LRMDA: variants seen among roughly 807,000 people sequenced by gnomAD.
LRMDA encodes the protein leucine-rich melanocyte differentiation-associated protein.
A neutral mutation model predicts 29.8 loss-of-function variants in LRMDA; 18 were observed. The ratio of observed to expected loss-of-function variants is 0.60; its 90% CI spans 0.42 to 0.90. LRMDA has a LOEUF of 0.90. LRMDA is among the 40% of genes least tolerant of loss of function. LRMDA has a pLI of 0.00. For missense variants in LRMDA, 273 were observed against 273.9 expected (o/e 1.00, Z 0.02); for synonymous variants, 125 against 109.4 (o/e 1.14, Z -0.89).
chr10:76,383,424 T>C (rs1339537941), intron 6 of LRMDA, among the ~76,000 whole-genome samples: 32 of 133,978 alleles, frequency 2.4e-4, no homozygotes, highest in East Asian at 8.4e-4. Flanking sequence ...TCTTTTTTTT[T>C]TTTTTTTTTT....
intron 6 of LRMDA, among the ~76,000 whole-genome samples, chr10:76,441,849 C>T (rs2132292282): frequency 6.6e-6 from 1 of 152,242 alleles, no homozygotes. Flanking sequence ...GTATGACTGC[C>T]TCTCCTAGGC....
intron 5 of LRMDA, among the ~76,000 whole-genome samples, chr10:76,065,053 C>T (rs1234195335): frequency 1.3e-5 from 2 of 151,830 alleles, no homozygotes; most frequent in South Asian, 2.1e-4. Context: ...TAAGAAAATG[C>T]TTAGATGGTG....
At chr10:76,405,152 A>C (rs1564532188) in intron 6 of LRMDA, among the ~76,000 whole-genome samples, 1 of 152,208 alleles carries the variant, frequency 6.6e-6, no homozygotes, top group Admixed American at 6.5e-5. Context: ...TTACAACAGC[A>C]ATAAAAAACT....
At chr10:76,144,254 T>A (rs899204238) in intron 5 of LRMDA, among the ~76,000 whole-genome samples, 1 of 152,216 alleles carries the variant, frequency 6.6e-6, no homozygotes, top group Non-Finnish European at 1.5e-5. Flanking sequence ...TTGATGGAGA[T>A]GGCATTGAAT....
At chr10:75,563,795 C>A (rs960688155) in intron 2 of LRMDA, among the ~76,000 whole-genome samples, 1 of 152,176 alleles carries the variant, frequency 6.6e-6, no homozygotes, top group Non-Finnish European at 1.5e-5. Context: ...TAGAGATCCA[C>A]TCCAGACCCT....
chr10:76,427,785 C>T (rs1842145210), intron 6 of LRMDA, among the ~76,000 whole-genome samples: 1 of 152,094 alleles, frequency 6.6e-6, no homozygotes, highest in African/African-American at 2.4e-5. Context: ...CCCATCAATA[C>T]CTAATTTATT....
At chr10:76,343,985 T>A (rs1841072641) in intron 6 of LRMDA, among the ~76,000 whole-genome samples, 1 of 151,684 alleles carries the variant, frequency 6.6e-6, no homozygotes, top group Non-Finnish European at 1.5e-5. Flanking sequence ...GCCTGGCTAA[T>A]TTTTTTTGGT....
intron 5 of LRMDA, among the ~76,000 whole-genome samples, chr10:76,306,569 G>A (rs1304903764): frequency 1.3e-5 from 2 of 152,160 alleles, no homozygotes; most frequent in East Asian, 3.9e-4. Context: ...TCAACACAAT[G>A]AACCTGGAGG....
intron 6 of LRMDA, among the ~76,000 whole-genome samples, chr10:76,358,183 G>T (rs539650435): frequency 1.3e-5 from 2 of 152,306 alleles, no homozygotes; most frequent in South Asian, 2.1e-4. Flanking sequence ...TGCAATACTT[G>T]GTGGTAGTAT....
chr10:76,355,970 C>G (rs537012775), intron 6 of LRMDA, among the ~76,000 whole-genome samples: 1 of 152,116 alleles, frequency 6.6e-6, no homozygotes, highest in Non-Finnish European at 1.5e-5. Context: ...AGAAGGGCCT[C>G]CCATCATTAG....
At chr10:75,483,685 T>C (rs539135638) in intron 2 of LRMDA, among the ~76,000 whole-genome samples, 1 of 152,328 alleles carries the variant, frequency 6.6e-6, no homozygotes, top group South Asian at 2.1e-4. Context: ...AAACTTGGAT[T>C]TTTAAATTAC....
chr10:75,823,306 A>G (rs2132283451), intron 2 of LRMDA, among the ~76,000 whole-genome samples: 1 of 152,328 alleles, frequency 6.6e-6, no homozygotes, highest in Non-Finnish European at 1.5e-5. Context: ...AAGGACACGA[A>G]CAGACATTTT....
At chr10:75,697,384 C>T (rs1842248615) in intron 2 of LRMDA, among the ~76,000 whole-genome samples, 1 of 151,342 alleles carries the variant, frequency 6.6e-6, no homozygotes, top group Non-Finnish European at 1.5e-5. Context: ...TGAATAGGCT[C>T]CAGGTTTTTA....
chr10:75,882,199 A>G (rs1845305997), intron 2 of LRMDA, among the ~76,000 whole-genome samples: 1 of 152,168 alleles, frequency 6.6e-6, no homozygotes, highest in South Asian at 2.1e-4. Context: ...GGAGGCGAGC[A>G]GGGTCAGTTA....
chr10:76,486,584 A>G (rs1033670509), intron 6 of LRMDA, among the ~76,000 whole-genome samples: 6 of 151,878 alleles, frequency 4.0e-5, no homozygotes, highest in African/African-American at 1.4e-4. Context: ...TATTTTGGCT[A>G]AAAATTTGGG....
At chr10:75,553,336 G>A (rs1428590826) in intron 2 of LRMDA, among the ~76,000 whole-genome samples, 1 of 152,196 alleles carries the variant, frequency 6.6e-6, no homozygotes, top group African/African-American at 2.4e-5. Context: ...AGCCTGGAGA[G>A]ATGAAGGGTT....
At chr10:76,272,639 A>T (rs1262680450) in intron 5 of LRMDA, among the ~76,000 whole-genome samples, 1 of 152,164 alleles carries the variant, frequency 6.6e-6, no homozygotes, top group Non-Finnish European at 1.5e-5. Flanking sequence ...CAGAATATAC[A>T]TTGGAAAAGC....
chr10:75,581,391 G>C (rs1240643962), intron 2 of LRMDA, among the ~76,000 whole-genome samples: 1 of 152,162 alleles, frequency 6.6e-6, no homozygotes, highest in Non-Finnish European at 1.5e-5. Flanking sequence ...AGTTAGAATG[G>C]TGATCATTAA....
intron 2 of LRMDA, among the ~76,000 whole-genome samples, chr10:75,500,323 G>C (rs1845097668): frequency 6.6e-6 from 1 of 152,110 alleles, no homozygotes; most frequent in Admixed American, 6.5e-5. Context: ...TAAGTGCTTT[G>C]CATCTGTCAG....
Sources: allele counts gnomAD v4.1 joint callset (sites outside exome capture counted in the v4.1 genomes callset), GRCh38; gene constraint gnomAD v4.1.1; transcripts MANE v1.5; gene names NCBI Gene and HGNC (gene_info 2026-07-23, HGNC 2026-07-21).